Variants in ABCB7 observed in about 807,000 individuals in gnomAD.
ABCB7 encodes ATP binding cassette subfamily B member 7, also known as iron-sulfur clusters transporter ABCB7, mitochondrial.
ABCB7 carries 7 observed loss-of-function variants against 54.4 expected under a neutral mutation model. The observed-to-expected ratio is 0.13, with a 90% confidence interval of 0.07 to 0.24. The LOEUF (loss-of-function observed/expected upper bound fraction) is 0.24. Among genes scored for constraint, ABCB7 ranks in the 10% least tolerant of loss-of-function variants. The pLI, the probability that ABCB7 is intolerant of heterozygous loss-of-function variation, is 1.00. For missense variants in ABCB7, 356 were observed against 570.4 expected (o/e 0.62, Z 3.83); for synonymous variants, 218 against 207.1 (o/e 1.05, Z -0.45).
At chrX:75,094,578 TG>T (rs2081575218) in intron 4 of ABCB7, among the ~76,000 whole-genome samples, 1 of 110,667 alleles carries the variant, frequency 9.0e-6, no homozygotes, top group Middle Eastern at 4.6e-3. Context: ...ACGGGCATGG[TG>T]GCATGCACCT....
intron 15 of ABCB7, among the ~76,000 whole-genome samples, chrX:75,057,205 A>G (rs946515908): frequency 2.7e-5 from 3 of 111,490 alleles, no homozygotes; most frequent in Non-Finnish European, 3.8e-5. Flanking sequence ...TAGGCAGCCA[A>G]TTGCTTTAGT....
At chrX:75,137,223 T>C (rs1569246368) in intron 1 of ABCB7, among the ~76,000 whole-genome samples, 1 of 111,934 alleles carries the variant, frequency 8.9e-6, no homozygotes, top group Non-Finnish European at 1.9e-5. Context: ...GCAAAGGACA[T>C]GAACAGACAC....
At chrX:75,090,266 C>T (rs1274418125) in intron 4 of ABCB7, among the ~76,000 whole-genome samples, 2 of 108,815 alleles carry the variant, frequency 1.8e-5, no homozygotes, top group African/African-American at 6.7e-5. Flanking sequence ...ATAAAACACA[C>T]CTTTACAAAT....
At chrX:75,084,386 G>T (rs2081479783) in intron 4 of ABCB7, among the ~76,000 whole-genome samples, 1 of 111,514 alleles carries the variant, frequency 9.0e-6, no homozygotes, top group Non-Finnish European at 1.9e-5. Context: ...AATTCAATTT[G>T]GTGTTGGAAC....
At chrX:75,081,866 A>G (rs1190246806) in intron 4 of ABCB7, among the ~76,000 whole-genome samples, 1 of 110,703 alleles carries the variant, frequency 9.0e-6, no homozygotes, top group Admixed American at 9.7e-5. Context: ...TCATTAAAAT[A>G]CACAGCAGAT....
chrX:75,053,675 T>A lies in ABCB7; in HGVS notation c.2044-90A>T, dbSNP rs749045558. 4 of 1,123,648 alleles carry A rather than the reference T, an allele frequency of 3.6e-6. No homozygotes were observed. The African/African-American group carries it at 7.3e-5, about 20-fold the overall frequency. 92.6% of individuals were successfully genotyped at this position (1,123,648 alleles called of 1,213,427 possible). On this transcript the variant is annotated intron_variant, in intron 15 of 15. Coordinates refer to ENST00000373394, the MANE Select transcript of ABCB7 (RefSeq NM_001271696.3). ...CCAAATACTTTCTAACTAAGGAGTT[T>A]GAAGGATTTGCATTCATTAAAATAC...
At position 75,153,760 on chromosome X, in the gene ABCB7, G is replaced by GTATATATATATATATATATA. The variant is rs55904708; in HGVS notation, c.168+2344_168+2345insTATATATATATATATATATA. ...TGTGTGTGTGTGCGTGTGTGTGTGT[G>GTATATATATATATATATATA]TATATATATATATAAAATATATATG... On this transcript the variant is annotated intron_variant, in intron 1 of 15. Coordinates refer to ENST00000373394, the MANE Select transcript of ABCB7 (RefSeq NM_001271696.3). Among the ~76,000 whole-genome samples, 524 of 94,094 alleles carry GTATATATATATATATATATA rather than the reference G, an allele frequency of 5.6e-3. 7 individuals carry two copies. The highest frequency in any genetic ancestry group is 0.019 in the African/African-American group (504 of 26,408). The allele number at this position is 94,094 out of a possible 115,157, so 81.7% of individuals were successfully genotyped here. A position where few individuals can be genotyped will look rare whatever the true frequency, so the allele number is the denominator to read the frequency against.
At chrX:75,060,373 A>G in intron 14 of ABCB7, 43 bp from the exon 15 acceptor site, 3 of 950,512 alleles carry the variant, frequency 3.2e-6, no homozygotes, top group Non-Finnish European at 4.5e-6. Context: ...AATAAAAAGA[A>G]GTACACATTA....
At chrX:75,152,028 G>A (rs2082135307) in intron 1 of ABCB7, among the ~76,000 whole-genome samples, 1 of 111,862 alleles carries the variant, frequency 8.9e-6, no homozygotes, top group East Asian at 2.8e-4. Context: ...TTGAAATCAA[G>A]ATAGACTGTC....
At chrX:75,078,214 T>C (rs768022009) in intron 4 of ABCB7, among the ~76,000 whole-genome samples, 23 of 110,821 alleles carry the variant, frequency 2.1e-4, no homozygotes, top group African/African-American at 7.2e-4. Context: ...TGAAATGGTC[T>C]CCTCTCCCCT....
chrX:75,126,165 T>TA (rs1416290408), intron 1 of ABCB7, among the ~76,000 whole-genome samples: 1 of 111,136 alleles, frequency 9.0e-6, no homozygotes, highest in Non-Finnish European at 1.9e-5. Flanking sequence ...CAAGGGTAAA[T>TA]AAACTTTAAA....
At chrX:75,154,286 A>G (rs1243075423) in intron 1 of ABCB7, among the ~76,000 whole-genome samples, 1 of 111,546 alleles carries the variant, frequency 9.0e-6, no homozygotes, top group Admixed American at 9.5e-5. Context: ...TTGTATTGCC[A>G]TTGCCTCCTC....
intron 8 of ABCB7, among the ~76,000 whole-genome samples, chrX:75,072,370 T>A (rs1271655995): frequency 1.8e-5 from 2 of 111,696 alleles, no homozygotes; most frequent in African/African-American, 6.5e-5. Flanking sequence ...TAATTTTGAC[T>A]GTGCAATCAT....
At position 75,062,651 on chromosome X, in the gene ABCB7, T is replaced by C. The variant is rs749640092; in HGVS notation, c.1832-220A>G. ...AATGCACTACTGAATTCTGACTTCATAGCAGGTGGGAAGAATGAGAATGAG... is the reference window on the plus strand; with the variant it reads ...AATGCACTACTGAATTCTGACTTCACAGCAGGTGGGAAGAATGAGAATGAG... On this transcript the variant is annotated intron_variant, in intron 13 of 15. Transcript: ENST00000373394. The C allele has an allele frequency of 1.0e-5, 4 of 392,262 alleles. No homozygotes were observed. The Admixed American group carries it at 1.7e-4, about 16-fold the overall frequency. 32.3% of individuals were successfully genotyped at this position (392,262 alleles called of 1,213,427 possible).
chrX:75,119,221 T>G (rs987528965), intron 1 of ABCB7, among the ~76,000 whole-genome samples: 2 of 112,399 alleles, frequency 1.8e-5, no homozygotes, highest in African/African-American at 6.5e-5. Context: ...AATGAGTTTT[T>G]GGTAAAAGAT....
At chrX:75,122,990 G>A (rs2081893870) in intron 1 of ABCB7, among the ~76,000 whole-genome samples, 1 of 109,558 alleles carries the variant, frequency 9.1e-6, no homozygotes, top group African/African-American at 3.3e-5. Flanking sequence ...TTGCTTTATA[G>A]TTTTGATGAC....
chrX:75,060,410 C>T (rs1406366163), intron 14 of ABCB7, 80 bp from the exon 15 acceptor site: 1 of 797,786 alleles, frequency 1.3e-6, no homozygotes. Flanking sequence ...AATAATCATA[C>T]ATTTCCTAAA....
intron 1 of ABCB7, among the ~76,000 whole-genome samples, chrX:75,126,293 T>C (rs1438203825): frequency 4.5e-5 from 5 of 112,147 alleles, no homozygotes; most frequent in Non-Finnish European, 9.4e-5. Flanking sequence ...GTTTACACTC[T>C]AAAACTGACA....
chrX:75,059,341 T>C (rs755365218), intron 15 of ABCB7, among the ~76,000 whole-genome samples: 2 of 109,735 alleles, frequency 1.8e-5, no homozygotes, highest in African/African-American at 6.6e-5. Flanking sequence ...GTGTGGCACA[T>C]GCCTGTATAG....
Sources: gnomAD v4.1 joint callset for allele counts (sites outside exome capture counted in the v4.1 genomes callset) on GRCh38, gnomAD v4.1.1 for gene constraint, MANE v1.5 for transcripts, NCBI Gene and HGNC (gene_info 2026-07-23, HGNC 2026-07-21) for gene names.